ZMYM2: variants seen among roughly 807,000 people sequenced by gnomAD.
ZMYM2 encodes the protein zinc finger MYM-type protein 2.
A neutral mutation model predicts 162.8 loss-of-function variants in ZMYM2; 56 were observed. The observed-to-expected ratio is 0.34, with a 90% CI of 0.28 to 0.43. The LOEUF is 0.43. ZMYM2 is among the 20% of genes least tolerant of loss of function. ZMYM2 has a pLI of 1.00. For missense variants in ZMYM2, 1,275 were observed against 1,621.8 expected (o/e 0.79, Z 3.67); for synonymous variants, 510 against 541.6 (o/e 0.94, Z 0.81).
chr13:19,888,094 G>A, the ZMYM2 span, among the ~76,000 whole-genome samples: 3 of 151,732 alleles, frequency 2.0e-5, no homozygotes, highest in African/African-American at 7.3e-5. Flanking sequence ...TCCCAGCTTG[G>A]TCCCAAACTC....
At chr13:19,874,869 T>C in the ZMYM2 span, among the ~76,000 whole-genome samples, 1 of 152,098 alleles carries the variant, frequency 6.6e-6, no homozygotes, top group Non-Finnish European at 1.5e-5. Flanking sequence ...ATTAACATCA[T>C]GATGAGATAC....
chr13:20,046,699 G>GTA (rs1954864768), intron 12 of ZMYM2, among the ~76,000 whole-genome samples: 1 of 150,912 alleles, frequency 6.6e-6, no homozygotes, highest in Non-Finnish European at 1.5e-5. Context: ...ATGTGTGTGT[G>GTA]TGTATATATA....
the ZMYM2 span, among the ~76,000 whole-genome samples, chr13:19,881,698 A>T: frequency 6.6e-6 from 1 of 151,856 alleles, no homozygotes. Flanking sequence ...AAAAAAATGA[A>T]ATTTGGTCAG....
At chr13:19,865,178 G>C in the ZMYM2 span, 1 of 152,214 alleles carries the variant, frequency 6.6e-6, no homozygotes, top group Admixed American at 6.5e-5. Flanking sequence ...GGAAGAATTG[G>C]CTTGGGCCAC....
chr13:19,989,250 G>C (rs1187039428), intron 2 of ZMYM2, among the ~76,000 whole-genome samples: 1 of 152,078 alleles, frequency 6.6e-6, no homozygotes, highest in African/African-American at 2.4e-5. Flanking sequence ...GTACTTTGTA[G>C]GTGTTTTTGT....
At chr13:19,957,502 G>C (rs1472783478), upstream of ZMYM2, among the ~76,000 whole-genome samples, 2 of 152,232 alleles carry the variant, frequency 1.3e-5, no homozygotes, top group African/African-American at 4.8e-5. Context: ...CGTAGGTGTA[G>C]ACGAGGAACA....
At chr13:20,059,662 A>G (rs778056035) in intron 16 of ZMYM2, 100 bp downstream of exon 16, 6 of 683,404 alleles carry the variant, frequency 8.8e-6, no homozygotes, top group Non-Finnish European at 1.3e-5. Context: ...TTTGAACTCC[A>G]TGCATCCACA....
chr13:19,996,947 T>G (rs547490702), intron 3 of ZMYM2, among the ~76,000 whole-genome samples: 1 of 152,090 alleles, frequency 6.6e-6, no homozygotes, highest in African/African-American at 2.4e-5. Context: ...GATATGAGGA[T>G]CCCTTGAAGC....
At chr13:20,063,554 GT>G (rs1240046844) in intron 18 of ZMYM2, among the ~76,000 whole-genome samples, 3 of 150,868 alleles carry the variant, frequency 2.0e-5, no homozygotes, top group Non-Finnish European at 4.4e-5. Flanking sequence ...GCCGAGGTGG[GT>G]GGATCACCTG....
At chr13:19,904,191 A>ATT in the ZMYM2 span, among the ~76,000 whole-genome samples, 753 of 80,756 alleles carry the variant, frequency 9.3e-3, 8 homozygotes, top group African/African-American at 0.02. Context: ...AGTTCAACAC[A>ATT]TTTTTTTTTT....
chr13:19,951,798 T>C, the ZMYM2 span, among the ~76,000 whole-genome samples: 4 of 152,182 alleles, frequency 2.6e-5, no homozygotes, highest in South Asian at 4.1e-4. Flanking sequence ...GAATGTAAAT[T>C]AATACAGCGA....
chr13:19,885,268 T>C, the ZMYM2 span, among the ~76,000 whole-genome samples: 1 of 152,130 alleles, frequency 6.6e-6, no homozygotes, highest in Non-Finnish European at 1.5e-5. Context: ...AGTGAGACCC[T>C]GTCTTAAAAA....
chr13:19,924,033 T>C, the ZMYM2 span, among the ~76,000 whole-genome samples: 7 of 151,576 alleles, frequency 4.6e-5, no homozygotes, highest in Admixed American at 1.3e-4. Context: ...ACCTTAATCA[T>C]CTCTCTCTCT....
At chr13:19,895,076 CAAAAAA>C in the ZMYM2 span, among the ~76,000 whole-genome samples, 13 of 83,752 alleles carry the variant, frequency 1.6e-4, no homozygotes, top group Admixed American at 3.4e-4. Flanking sequence ...AACTCCATCT[CAAAAAA>C]AAAAAAAAAA....
At chr13:20,019,669 C>G (rs1951909493) in intron 7 of ZMYM2, 51 bp downstream of exon 7, 1 of 1,459,358 alleles carries the variant, frequency 6.9e-7, no homozygotes, top group Non-Finnish European at 9.4e-7. Flanking sequence ...TTGAGCACTG[C>G]TACTACTGTC....
chr13:19,911,947 T>G, the ZMYM2 span, among the ~76,000 whole-genome samples: 447 of 152,314 alleles, frequency 2.9e-3, 1 homozygote, highest in Middle Eastern at 0.01. Flanking sequence ...GGGTGGTGAT[T>G]CCCACCACAC....
intron 7 of ZMYM2, among the ~76,000 whole-genome samples, chr13:20,020,676 T>C (rs1952007313): frequency 6.6e-6 from 1 of 152,126 alleles, no homozygotes; most frequent in South Asian, 2.1e-4. Flanking sequence ...TTTTGTACTG[T>C]TTTGTATTTA....
At chr13:20,006,232 T>TTA in intron 5 of ZMYM2, 142 bp from the exon 6 acceptor site, 1 of 674,626 alleles carries the variant, frequency 1.5e-6, no homozygotes, top group Non-Finnish European at 2.1e-6. Flanking sequence ...ACCCTGTCTT[T>TTA]AAAAAAAAAA....
At chr13:19,929,914 G>A in the ZMYM2 span, among the ~76,000 whole-genome samples, 1 of 152,082 alleles carries the variant, frequency 6.6e-6, no homozygotes, top group East Asian at 1.9e-4. Flanking sequence ...CAGTCTTCCT[G>A]GCCTCAAATT....
Sources: gnomAD v4.1 joint callset for allele counts (sites outside exome capture counted in the v4.1 genomes callset) on GRCh38, gnomAD v4.1.1 for gene constraint, MANE v1.5 for transcripts, NCBI Gene and HGNC (gene_info 2026-07-23, HGNC 2026-07-21) for gene names.